The following TP63 variants were observed in gnomAD, a reference collection of about 807,000 sequenced individuals.
The protein encoded by TP63 is tumor protein 63.
A neutral mutation model predicts 82.8 loss-of-function variants in TP63; 17 were observed. That is an observed-to-expected ratio of 0.21 (90% confidence interval 0.14 to 0.31). TP63 has a LOEUF of 0.31. TP63 is among the 10% of genes least tolerant of loss of function. TP63 has a pLI of 1.00. For missense variants in TP63, 648 were observed against 895.3 expected (o/e 0.72, Z 3.52); for synonymous variants, 330 against 321.7 (o/e 1.03, Z -0.28).
At chr3:189,777,969 C>T (rs1470062009) in intron 3 of TP63, among the ~76,000 whole-genome samples, 4 of 148,326 alleles carry the variant, frequency 2.7e-5, no homozygotes, top group East Asian at 4.1e-4. Context: ...GATTCTGGTG[C>T]GTCAGCCTCC....
intron 4 of TP63, among the ~76,000 whole-genome samples, chr3:189,858,118 T>C (rs1211176598): frequency 2.7e-5 from 2 of 74,264 alleles, no homozygotes; most frequent in Non-Finnish European, 5.9e-5. Context: ...GAAAATGTTG[T>C]GTATAGGCCG....
intron 1 of TP63, among the ~76,000 whole-genome samples, chr3:189,670,588 T>C (rs1003303262): frequency 4.0e-5 from 6 of 151,872 alleles, no homozygotes; most frequent in Non-Finnish European, 8.8e-5. Flanking sequence ...AGAAAATATA[T>C]TGAACAGAAA....
intron 4 of TP63, among the ~76,000 whole-genome samples, chr3:189,813,704 T>G (rs1727842682): frequency 6.6e-6 from 1 of 152,180 alleles, no homozygotes; most frequent in Non-Finnish European, 1.5e-5. Context: ...CTCCTGTCAT[T>G]GACCTCAAGG....
chr3:189,882,047 A>C (rs1381928829), intron 10 of TP63, among the ~76,000 whole-genome samples: 1 of 151,942 alleles, frequency 6.6e-6, no homozygotes, highest in African/African-American at 2.4e-5. Flanking sequence ...TTTTAGATAA[A>C]TATTTCAGAA....
intron 1 of TP63, among the ~76,000 whole-genome samples, chr3:189,661,567 T>G (rs966644337): frequency 6.6e-6 from 1 of 152,158 alleles, no homozygotes; most frequent in Non-Finnish European, 1.5e-5. Flanking sequence ...GCTTTTGGTA[T>G]CAGGGTGATG....
At chr3:189,874,163 G>A (rs1032421484) in intron 10 of TP63, among the ~76,000 whole-genome samples, 12 of 152,028 alleles carry the variant, frequency 7.9e-5, no homozygotes, top group Non-Finnish European at 1.6e-4. Flanking sequence ...TCTGCCTAGC[G>A]GGTTCAAGTG....
intron 1 of TP63, among the ~76,000 whole-genome samples, chr3:189,632,244 T>G (rs889472116): frequency 6.6e-6 from 1 of 152,144 alleles, no homozygotes. Context: ...CATAAAGTTA[T>G]GGGAGATATT....
chr3:189,755,775 C>T (rs1379828701), intron 3 of TP63, among the ~76,000 whole-genome samples: 1 of 152,042 alleles, frequency 6.6e-6, no homozygotes, highest in South Asian at 2.1e-4. Context: ...GGCCTGAAAT[C>T]AATTTGATTA....
At chr3:189,612,875 G>T in the TP63 span, among the ~76,000 whole-genome samples, 1 of 152,164 alleles carries the variant, frequency 6.6e-6, no homozygotes, top group African/African-American at 2.4e-5. Flanking sequence ...CTAGACATCT[G>T]GGGAACTTTG....
rs770212889 is a variant in TP63 at position 189,878,168 on chromosome 3, A to G, written c.1349+5173A>G. Among the ~76,000 whole-genome samples the G allele has an allele frequency of 8.0e-4, 122 of 152,252 alleles. 1 individual carries two copies. Among genetic ancestry groups the G allele is most frequent in the Non-Finnish European group, 1.6e-3 (110 of 68,024 alleles). On this transcript the variant is annotated intron_variant, in intron 10 of 13. Coordinates refer to ENST00000264731, the MANE Select transcript of TP63 (RefSeq NM_003722.5). ...TGTATCTGAGGGAGAAGCAGGCAGT[A>G]TTTTCAGTATTATCAATGTAGAAAA...
chr3:189,665,315 A>G (rs901163413), intron 1 of TP63, among the ~76,000 whole-genome samples: 2 of 152,128 alleles, frequency 1.3e-5, no homozygotes, highest in African/African-American at 4.8e-5. Context: ...TCAGCATGCC[A>G]CTGAGAATAG....
At chr3:189,730,392 G>A (rs1359767595) in intron 1 of TP63, among the ~76,000 whole-genome samples, 1 of 152,140 alleles carries the variant, frequency 6.6e-6, no homozygotes, top group Non-Finnish European at 1.5e-5. Context: ...CTATTTTGAT[G>A]AGACAGAATT....
At chr3:189,638,430 C>G (rs1414298021) in intron 1 of TP63, among the ~76,000 whole-genome samples, 1 of 151,942 alleles carries the variant, frequency 6.6e-6, no homozygotes, top group Non-Finnish European at 1.5e-5. Flanking sequence ...ACAAGCTAGC[C>G]CGGGGACTGC....
chr3:189,750,896 G>C (rs1270904148), intron 3 of TP63, among the ~76,000 whole-genome samples: 1 of 152,062 alleles, frequency 6.6e-6, no homozygotes. Flanking sequence ...GTATACATGT[G>C]CCATGTTGGT....
intron 4 of TP63, among the ~76,000 whole-genome samples, chr3:189,845,890 G>A (rs1030315365): frequency 3.3e-5 from 5 of 151,592 alleles, no homozygotes; most frequent in Non-Finnish European, 7.4e-5. Context: ...TTCTGGGAGA[G>A]GATGAAAGAG....
intron 1 of TP63, among the ~76,000 whole-genome samples, chr3:189,721,429 C>G (rs958500804): frequency 6.6e-6 from 1 of 150,852 alleles, no homozygotes; most frequent in Non-Finnish European, 1.5e-5. Flanking sequence ...AGTTACCTGG[C>G]TAGTTAGGGC....
intron 10 of TP63, among the ~76,000 whole-genome samples, chr3:189,883,787 T>A (rs1029540895): frequency 1.3e-5 from 2 of 152,192 alleles, no homozygotes; most frequent in South Asian, 2.1e-4. Context: ...TTTCTTCATC[T>A]GTGGTTTCTG....
intron 1 of TP63, among the ~76,000 whole-genome samples, chr3:189,650,504 A>G (rs1712798959): frequency 6.8e-6 from 1 of 146,094 alleles, no homozygotes; most frequent in South Asian, 2.3e-4. Flanking sequence ...TCCTGTTCTC[A>G]TGATAGTGAG....
chr3:189,860,863 T>G (rs1407713193), intron 4 of TP63, among the ~76,000 whole-genome samples: 1 of 152,186 alleles, frequency 6.6e-6, no homozygotes, highest in Non-Finnish European at 1.5e-5. Context: ...TTTTTTAGGT[T>G]TCAGATTCAG....
Sources: allele counts gnomAD v4.1 joint callset (sites outside exome capture counted in the v4.1 genomes callset), GRCh38; gene constraint gnomAD v4.1.1; transcripts MANE v1.5; gene names NCBI Gene and HGNC (gene_info 2026-07-23, HGNC 2026-07-21).